The following REV1 variants were observed in gnomAD, a reference collection of about 807,000 sequenced individuals.
REV1 encodes the protein REV1 DNA directed polymerase.
REV1 carries 42 observed loss-of-function variants against 137.4 expected under a neutral mutation model. That is an observed-to-expected ratio of 0.31 (90% CI 0.24 to 0.40). The LOEUF (loss-of-function observed/expected upper bound fraction) is 0.40, where lower values mean the gene tolerates loss of function less well. Ranked by LOEUF, REV1 falls within the 10% of genes least tolerant of loss-of-function variation. The pLI is 1.00. For missense variants in REV1, 1,282 were observed against 1,490.1 expected, an observed-to-expected ratio of 0.86 and a Z score of 2.30; for synonymous variants, 524 against 519.2, an observed-to-expected ratio of 1.01 and a Z score of -0.12.
chr2:99,425,510 G>A (rs1679218640), intron 9 of REV1, among the ~76,000 whole-genome samples: 1 of 152,152 alleles, frequency 6.6e-6, no homozygotes, highest in Admixed American at 6.5e-5. Flanking sequence ...CCTTGCACTT[G>A]CCTAGAAAAG....
At position 99,442,304 on chromosome 2, in the gene REV1, T is replaced by C. The variant is rs3087390; in HGVS notation, c.503+13A>G. 288 of 1,044,472 alleles carry C rather than the reference T, an allele frequency of 2.8e-4. 2 individuals carry two copies. The East Asian group carries it at 5.0e-3, about 18-fold the overall frequency. The allele number at this position is 1,044,472 out of a possible 1,614,324, so 64.7% of individuals were successfully genotyped here. On this transcript the variant is annotated intron_variant, in intron 5 of 22. Transcript: ENST00000258428. ...AACCAGCTTTGCAGTAATCCCCAAC[T>C]AGACAAACTTACACCCTGTTGTTGA...
At chr2:99,412,616 AAC>A in intron 13 of REV1, 113 bp downstream of exon 13, 1 of 796,284 alleles carries the variant, frequency 1.3e-6, no homozygotes, top group East Asian at 2.6e-5. Flanking sequence ...CTGGGGATAC[AAC>A]AGTTTTAAGA....
chr2:99,434,293 C>T (rs376595456), intron 8 of REV1, 39 bp downstream of exon 8: 31 of 1,363,154 alleles, frequency 2.3e-5, no homozygotes, highest in Non-Finnish European at 2.9e-5. Context: ...AGAAGCCATC[C>T]ACAGGAGCAC....
intron 3 of REV1, among the ~76,000 whole-genome samples, chr2:99,457,446 C>A (rs1683648737): frequency 6.6e-6 from 1 of 152,132 alleles, no homozygotes; most frequent in Non-Finnish European, 1.5e-5. Context: ...CTCTGGGAGG[C>A]CGAGGCAGGC....
At position 99,406,203 on chromosome 2, in the gene REV1, C is replaced by T. The variant is rs139055413; in HGVS notation, c.2615-97G>A. 8.1e-4 allele frequency: 1,127 copies of T among 1,385,732 alleles called. 12 individuals carry two copies. In the African/African-American group the frequency reaches 0.015, roughly 18 times the overall value. 85.8% of individuals were successfully genotyped at this position (1,385,732 alleles called of 1,614,324 possible). A position where few individuals can be genotyped will look rare whatever the true frequency, so the allele number is the denominator to read the frequency against. Reference sequence around the variant, plus strand: ...AAATAAAAAAACTTTATTACTGATTCATCATAATGAAGAATATAAATTTTT... The same window carrying T: ...AAATAAAAAAACTTTATTACTGATTTATCATAATGAAGAATATAAATTTTT... On this transcript the variant is annotated intron_variant, in intron 16 of 22. Transcript: ENST00000258428.
rs145826340 is a variant in REV1, at chr2:99,431,885, G to A, written c.1439-1937C>T. ...CTCATCAAAACTTGACAAACTAGAC[G>A]GGCACATGGAGAATGTGGAGGAACG... On this transcript the variant is annotated intron_variant, in intron 8 of 22. Transcript: ENST00000258428. 471 of 985,422 alleles carry A rather than the reference G, an allele frequency of 4.8e-4. 1 individual carries two copies. Among genetic ancestry groups the A allele is most frequent in the South Asian group, 1.1e-3 (23 of 21,284 alleles). The allele number at this position is 985,422 out of a possible 1,614,324, so 61.0% of individuals were successfully genotyped here.
At position 99,434,983 on chromosome 2, in the gene REV1, G is replaced by C. The variant is rs915357484; in HGVS notation, c.1322-535C>G. 7.9e-5 allele frequency among the ~76,000 whole-genome samples: 12 copies of C among 152,110 alleles called. 2 individuals carry two copies. The highest frequency in any genetic ancestry group is 7.2e-5 in the African/African-American group (3 of 41,484). On this transcript the variant is annotated intron_variant, in intron 7 of 22. Coordinates refer to ENST00000258428, the MANE Select transcript of REV1 (RefSeq NM_016316.4). ...TTTCCTGTATCATTTCCTTTTGTAT[G>C]CATGTTAAGTTACAAGATTACTATA...
intron 8 of REV1, chr2:99,431,794 C>T (rs943794111): frequency 1.0e-6 from 1 of 985,410 alleles, no homozygotes; most frequent in Non-Finnish European, 1.2e-6. Flanking sequence ...GAGTGAGTTG[C>T]TTCATGTGAG....
Position 99,428,766 on chromosome 2 carries a change from C to T in REV1, c.1547+1074G>A, listed in dbSNP as rs138678854. Among the ~76,000 whole-genome samples, 876 of 152,130 alleles carry T rather than the reference C, an allele frequency of 5.8e-3. 2 individuals carry two copies. The highest frequency in any genetic ancestry group is 0.019 in the African/African-American group (802 of 41,520). On this transcript the variant is annotated intron_variant, in intron 9 of 22. Transcript: ENST00000258428. ...ATCCCAGCACTTTGGGAGGCTGAGGCGGATGGATCACGAGGTCAGTTAGCC... is the reference window on the plus strand; with the variant it reads ...ATCCCAGCACTTTGGGAGGCTGAGGTGGATGGATCACGAGGTCAGTTAGCC...
intron 3 of REV1, among the ~76,000 whole-genome samples, chr2:99,459,773 A>G (rs1267090452): frequency 2.6e-5 from 4 of 152,158 alleles, no homozygotes; most frequent in Non-Finnish European, 5.9e-5. Flanking sequence ...AACAAGCAAA[A>G]AACATTTTTG....
chr2:99,487,795 T>A (rs930610833), intron 1 of REV1, among the ~76,000 whole-genome samples: 1 of 118,224 alleles, frequency 8.5e-6, no homozygotes, highest in South Asian at 2.4e-4. Context: ...GAGGTACCTG[T>A]CACCTCTTCT....
chr2:99,462,346 A>C (rs1186337116), intron 3 of REV1, 150 bp downstream of exon 3: 2 of 739,248 alleles, frequency 2.7e-6, no homozygotes, highest in Non-Finnish European at 4.2e-6. Flanking sequence ...CATGGAAAGG[A>C]AAAAGAAGTA....
At chr2:99,430,648 G>A (rs1679996610) in intron 8 of REV1, among the ~76,000 whole-genome samples, 1 of 152,118 alleles carries the variant, frequency 6.6e-6, no homozygotes, top group Non-Finnish European at 1.5e-5. Flanking sequence ...AGCCTAGTGT[G>A]GCTTACCAAC....
intron 4 of REV1, among the ~76,000 whole-genome samples, chr2:99,449,083 C>T (rs1682598760): frequency 1.3e-5 from 2 of 151,974 alleles, no homozygotes; most frequent in Non-Finnish European, 2.9e-5. Context: ...AGACCAGTCT[C>T]GGCAACATGG....
At chr2:99,488,825 A>T (rs559635959) in intron 1 of REV1, among the ~76,000 whole-genome samples, 1 of 152,372 alleles carries the variant, frequency 6.6e-6, no homozygotes, top group East Asian at 1.9e-4. Context: ...AAGTCCGGAA[A>T]GACCAGACAG....
At position 99,482,996 on chromosome 2, in the gene REV1, G is replaced by A. The variant is rs1482351313; in HGVS notation, c.-11+6821C>T. On this transcript the variant is annotated intron_variant, in intron 1 of 22. Coordinates refer to ENST00000258428, the MANE Select transcript of REV1 (RefSeq NM_016316.4). Reference sequence around the variant, plus strand: ...CATGCCATAGCACTCCAGCCTGGGCGACAAGGGCAAAACTCCGTTTCAAAA... The same window carrying A: ...CATGCCATAGCACTCCAGCCTGGGCAACAAGGGCAAAACTCCGTTTCAAAA... Among the ~76,000 whole-genome samples the A allele has an allele frequency of 5.7e-5, 8 of 141,588 alleles. No homozygotes were observed. In the South Asian group the frequency reaches 8.9e-4, roughly 16 times the overall value. The allele number at this position is 141,588 out of a possible 152,430, so 92.9% of individuals were successfully genotyped here. A position where few individuals can be genotyped will look rare whatever the true frequency, so the allele number is the denominator to read the frequency against.
intron 1 of REV1, among the ~76,000 whole-genome samples, chr2:99,468,226 C>A (rs911688092): frequency 2.0e-5 from 3 of 151,818 alleles, no homozygotes; most frequent in African/African-American, 7.3e-5. Context: ...GGCATGGGGG[C>A]TGTTTCTGCT....
At chr2:99,484,071 T>G (rs1250269905) in intron 1 of REV1, among the ~76,000 whole-genome samples, 1 of 152,166 alleles carries the variant, frequency 6.6e-6, no homozygotes, top group Non-Finnish European at 1.5e-5. Flanking sequence ...TTGAAGGAGA[T>G]CCAGGTAAAG....
chr2:99,477,705 T>C (rs2104194635), intron 1 of REV1, among the ~76,000 whole-genome samples: 1 of 152,334 alleles, frequency 6.6e-6, no homozygotes. Flanking sequence ...TATGTCCCAG[T>C]TTGAGGCTGA....
Sources: gnomAD v4.1 joint callset for allele counts (sites outside exome capture counted in the v4.1 genomes callset) on GRCh38, gnomAD v4.1.1 for gene constraint, MANE v1.5 for transcripts, NCBI Gene and HGNC (gene_info 2026-07-23, HGNC 2026-07-21) for gene names.